GRIK4: variants seen among roughly 807,000 people sequenced by gnomAD.
GRIK4 encodes the protein glutamate ionotropic receptor kainate type subunit 4.
GRIK4 carries 40 observed loss-of-function variants against 104.9 expected under a neutral mutation model. The ratio of observed to expected loss-of-function variants is 0.38; its 90% confidence interval spans 0.30 to 0.50. The LOEUF is 0.50. Ranked by LOEUF, GRIK4 falls within the 20% of genes least tolerant of loss-of-function variation. The pLI, the probability that GRIK4 is intolerant of heterozygous loss-of-function variation, is 0.93. For synonymous variants in GRIK4, 485 were observed against 524.9 expected (o/e 0.92, Z 1.04); for missense variants, 1,047 against 1,308.1 (o/e 0.80, Z 3.08).
chr11:120,671,671 G>T (rs764936833), intron 3 of GRIK4, among the ~76,000 whole-genome samples: 1 of 152,158 alleles, frequency 6.6e-6, no homozygotes, highest in Non-Finnish European at 1.5e-5. Context: ...CTCCCATTCT[G>T]CAGGTTGCCT....
rs1429086619 is a variant in GRIK4 at position 120,939,337 on chromosome 11, A to G, written c.1477-1010A>G. Among the ~76,000 whole-genome samples the G allele has an allele frequency of 2.0e-5, 3 of 152,222 alleles. No homozygotes were observed. Among genetic ancestry groups the G allele is most frequent in the Non-Finnish European group, 2.9e-5 (2 of 68,036 alleles). On this transcript the variant is annotated intron_variant, in intron 13 of 20. Coordinates refer to ENST00000527524, the MANE Select transcript of GRIK4 (RefSeq NM_014619.5). The surrounding 1 kb of genome is among the most constrained non-coding windows in gnomAD (Gnocchi z 5.6). ...ACAGTTTGGAGGCAAGGGGAAAGGA[A>G]GGAAGCCTTTATTGAACAAATGCTG...
chr11:120,776,467 C>T (rs1467625665), intron 3 of GRIK4, among the ~76,000 whole-genome samples: 1 of 152,334 alleles, frequency 6.6e-6, no homozygotes, highest in African/African-American at 2.4e-5. Flanking sequence ...GGACACCCTC[C>T]ATGTCTGCTG....
At chr11:120,891,584 A>C (rs950776948) in intron 11 of GRIK4, among the ~76,000 whole-genome samples, 3 of 152,240 alleles carry the variant, frequency 2.0e-5, no homozygotes, top group African/African-American at 7.2e-5. Context: ...TTCCTGGTGC[A>C]TTCACTTAAC....
intron 1 of GRIK4, among the ~76,000 whole-genome samples, chr11:120,572,628 G>A (rs865781196): frequency 2.0e-5 from 3 of 152,116 alleles, no homozygotes; most frequent in Admixed American, 6.5e-5. Context: ...GCCTTTCTTG[G>A]GAAGTTTTCC....
At chr11:120,776,175 A>G (rs938958109) in intron 3 of GRIK4, among the ~76,000 whole-genome samples, 7 of 152,038 alleles carry the variant, frequency 4.6e-5, no homozygotes, top group African/African-American at 7.2e-5. Context: ...CGTGGCTGCA[A>G]TGTCCTCTGA....
intron 12 of GRIK4, among the ~76,000 whole-genome samples, chr11:120,901,472 C>A (rs115606847): frequency 6.6e-6 from 1 of 152,182 alleles, no homozygotes; most frequent in African/African-American, 2.4e-5. Flanking sequence ...GAAGCCTTCC[C>A]TGCTCTAACT....
At chr11:120,695,964 C>T (rs936515434) in intron 3 of GRIK4, among the ~76,000 whole-genome samples, 1 of 152,192 alleles carries the variant, frequency 6.6e-6, no homozygotes, top group Non-Finnish European at 1.5e-5. Context: ...CAGGCTCTCA[C>T]ATGCCTCCTC....
intron 13 of GRIK4, among the ~76,000 whole-genome samples, chr11:120,913,856 T>A (rs1391806650): frequency 1.1e-4 from 14 of 132,706 alleles, no homozygotes; most frequent in Non-Finnish European, 1.3e-4. Context: ...TTTGCTGAAC[T>A]AAAAAAAAAA....
intron 1 of GRIK4, among the ~76,000 whole-genome samples, chr11:120,642,861 A>G (rs1286969515): frequency 2.0e-5 from 3 of 152,190 alleles, no homozygotes; most frequent in Non-Finnish European, 4.4e-5. Flanking sequence ...GAATTATTAT[A>G]ACATTCAATA....
At chr11:120,581,746 C>CT (rs928022771) in intron 1 of GRIK4, among the ~76,000 whole-genome samples, 85 of 147,462 alleles carry the variant, frequency 5.8e-4, no homozygotes, top group African/African-American at 1.7e-3. Context: ...AATTTCCTTC[C>CT]TTTTTTTTTT....
intron 1 of GRIK4, among the ~76,000 whole-genome samples, chr11:120,613,501 A>AGC (rs1189646211): frequency 3.3e-5 from 5 of 152,218 alleles, no homozygotes; most frequent in African/African-American, 1.2e-4. Context: ...CAAGGCAAAT[A>AGC]GCACTGGGGG....
intron 8 of GRIK4, among the ~76,000 whole-genome samples, chr11:120,840,494 C>A (rs1342034295): frequency 1.3e-5 from 2 of 152,040 alleles, no homozygotes; most frequent in Admixed American, 6.6e-5. Flanking sequence ...AGCTCTGGGG[C>A]AGAGGGTCAG....
chr11:120,602,572 C>T (rs537041344), intron 1 of GRIK4, among the ~76,000 whole-genome samples: 1 of 152,306 alleles, frequency 6.6e-6, no homozygotes, highest in African/African-American at 2.4e-5. Context: ...AGAGCATGCT[C>T]CAGTGTTGAC....
At chr11:120,896,830 T>A (rs929596729) in intron 11 of GRIK4, among the ~76,000 whole-genome samples, 2 of 152,206 alleles carry the variant, frequency 1.3e-5, no homozygotes, top group Admixed American at 6.5e-5. Context: ...CCAGGGAAGC[T>A]GCTGCTACTG....
intron 3 of GRIK4, among the ~76,000 whole-genome samples, chr11:120,716,601 G>T (rs934335765): frequency 1.3e-5 from 2 of 152,272 alleles, no homozygotes; most frequent in African/African-American, 4.8e-5. Context: ...GGTACAAAAG[G>T]TGCAAAGAGA....
chr11:120,820,551 A>T (rs1953091688), intron 6 of GRIK4, among the ~76,000 whole-genome samples: 1 of 152,180 alleles, frequency 6.6e-6, no homozygotes, highest in African/African-American at 2.4e-5. Flanking sequence ...CCTTCCAGCA[A>T]ATCTGTGCAT....
At chr11:120,527,695 C>G (rs970731135) in intron 1 of GRIK4, among the ~76,000 whole-genome samples, 5 of 152,228 alleles carry the variant, frequency 3.3e-5, no homozygotes, top group African/African-American at 1.2e-4. Flanking sequence ...TGGCGTGTGG[C>G]CTTGTCTGGT....
At chr11:120,837,451 G>T (rs1043456923) in intron 8 of GRIK4, among the ~76,000 whole-genome samples, 2 of 152,186 alleles carry the variant, frequency 1.3e-5, no homozygotes, top group African/African-American at 2.4e-5. Context: ...GAGTAGAAGT[G>T]CCTAGTTTGC....
chr11:120,868,530 T>TGGGG (rs11342073), intron 9 of GRIK4: 14 of 105,498 alleles, frequency 1.3e-4, no homozygotes, highest in African/African-American at 5.1e-4. Flanking sequence ...GGGGTGGAAA[T>TGGGG]GGGGGGGGGG....
Sources: gnomAD v4.1 joint callset for allele counts (sites outside exome capture counted in the v4.1 genomes callset) on GRCh38, gnomAD v4.1.1 for gene constraint, Gnocchi (gnomAD v3.1) non-coding constraint, MANE v1.5 for transcripts, NCBI Gene and HGNC (gene_info 2026-07-23, HGNC 2026-07-21) for gene names.